ISY1: variants seen among roughly 807,000 people sequenced by gnomAD.
ISY1 encodes the protein ISY1 spliceosome associated protein, also known as pre-mRNA-splicing factor ISY1 homolog.
A neutral mutation model predicts 54.4 loss-of-function variants in ISY1; 12 were observed. That is an observed-to-expected ratio of 0.22 (90% CI 0.14 to 0.36). The LOEUF (loss-of-function observed/expected upper bound fraction) is 0.36, where lower values mean the gene tolerates loss of function less well. Among genes scored for constraint, ISY1 ranks in the 10% least tolerant of loss-of-function variants. The pLI is 1.00. For missense variants in ISY1, 282 were observed against 342.2 expected (o/e 0.82, Z 1.39); for synonymous variants, 96 against 117.9 (o/e 0.81, Z 1.20).
intron 5 of ISY1, among the ~76,000 whole-genome samples, chr3:129,155,562 G>A (rs527330490): frequency 8.6e-5 from 13 of 151,962 alleles, no homozygotes; most frequent in African/African-American, 2.7e-4. Flanking sequence ...TTGACATTAC[G>A]TTTTCACTCT....
At chr3:129,153,727 G>A (rs180874758) in intron 5 of ISY1, among the ~76,000 whole-genome samples, 10 of 152,078 alleles carry the variant, frequency 6.6e-5, no homozygotes, top group Admixed American at 1.3e-4. Context: ...CAGAGGCTGC[G>A]GTGAGCCAAG....
intron 9 of ISY1, among the ~76,000 whole-genome samples, chr3:129,132,776 C>T (rs1302728987): frequency 6.6e-6 from 1 of 152,188 alleles, no homozygotes; most frequent in Non-Finnish European, 1.5e-5. Context: ...GCTGAGAGAG[C>T]AAATGAATAT....
At chr3:129,150,007 C>CCATT (rs1158177739) in intron 5 of ISY1, among the ~76,000 whole-genome samples, 107 of 151,072 alleles carry the variant, frequency 7.1e-4, no homozygotes, top group Admixed American at 1.2e-3. Flanking sequence ...AGTCAACTGA[C>CCATT]CATTTATGTG....
At chr3:129,141,254 C>G (rs554997132) in intron 6 of ISY1, among the ~76,000 whole-genome samples, 4 of 150,894 alleles carry the variant, frequency 2.7e-5, no homozygotes, top group Non-Finnish European at 5.9e-5. Flanking sequence ...GGGCTGGGCA[C>G]GGTGGCTCAC....
At chr3:129,137,785 A>G (rs7633551) in intron 7 of ISY1, among the ~76,000 whole-genome samples, 140,526 of 151,368 alleles carry the variant, frequency 0.93, 65,556 homozygotes, top group East Asian at 0.99. Flanking sequence ...GGTGGCGGTC[A>G]CCTATAGTCC....
chr3:129,158,691 T>A, intron 2 of ISY1, 132 bp from the exon 3 acceptor site: 1 of 1,256,296 alleles, frequency 8.0e-7, no homozygotes, highest in Non-Finnish European at 1.1e-6. Flanking sequence ...ATATTGTAAT[T>A]AAGAAACCAC....
chr3:129,145,849 C>T lies in ISY1; in HGVS notation c.212G>A (p.Arg71His), dbSNP rs1936751627. The change falls in exon 6 of 11, where the codon CGT (arginine) becomes CAT (histidine). Residue 71 changes from arginine to histidine, a missense_variant. Around this residue, in one of 2 missense-constraint regions of ISY1, gnomAD observed 279 missense variants for 323.6 expected, o/e 0.86. Coordinates refer to ENST00000393295, the MANE Select transcript of ISY1 (RefSeq NM_020701.4). ...CTTGTTAATTTCATCATTCAGGTCA[C>T]GAATTCGAAATTCACCTAAACCAGC... is the stretch of plus-strand genomic sequence containing the variant. ...QNAGLGEFRI[R>H]DLNDEINKLL... The T allele has an allele frequency of 1.9e-6, 3 of 1,614,080 alleles. No individual in the cohort carries two copies. Among genetic ancestry groups the T allele is most frequent in the Non-Finnish European group, 2.5e-6 (3 of 1,180,020 alleles).
At chr3:129,152,242 C>T (rs1936993580) in intron 5 of ISY1, among the ~76,000 whole-genome samples, 1 of 152,120 alleles carries the variant, frequency 6.6e-6, no homozygotes, top group Admixed American at 6.6e-5. Flanking sequence ...GAATAAACGT[C>T]TAATTTTGTC....
At chr3:129,142,520 G>T (rs965952508) in intron 6 of ISY1, among the ~76,000 whole-genome samples, 1 of 152,106 alleles carries the variant, frequency 6.6e-6, no homozygotes, top group Non-Finnish European at 1.5e-5. Flanking sequence ...GCAAATACAA[G>T]CAAAATGTTA....
chr3:129,140,541 A>G, intron 6 of ISY1, 56 bp from the exon 7 acceptor site: 1 of 1,415,048 alleles, frequency 7.1e-7, no homozygotes, highest in Non-Finnish European at 9.6e-7. Context: ...GTTAGTTATT[A>G]TTTATTTATT....
At chr3:129,152,606 G>A (rs1219970365) in intron 5 of ISY1, among the ~76,000 whole-genome samples, 3 of 151,746 alleles carry the variant, frequency 2.0e-5, no homozygotes, top group South Asian at 2.1e-4. Context: ...GGGTTTCACC[G>A]TGTGTTAGCC....
At chr3:129,150,641 G>A (rs1030061506) in intron 5 of ISY1, among the ~76,000 whole-genome samples, 3 of 151,636 alleles carry the variant, frequency 2.0e-5, no homozygotes, top group Non-Finnish European at 4.4e-5. Flanking sequence ...TGAACCTGGG[G>A]GGCGGAGCTT....
intron 9 of ISY1, among the ~76,000 whole-genome samples, chr3:129,132,872 G>A (rs935731429): frequency 2.0e-5 from 3 of 152,222 alleles, no homozygotes; most frequent in Non-Finnish European, 4.4e-5. Flanking sequence ...AGCTGGACAT[G>A]AGCAGGAACG....
At chr3:129,131,088 G>C (rs950425825) in intron 9 of ISY1, among the ~76,000 whole-genome samples, 1 of 152,232 alleles carries the variant, frequency 6.6e-6, no homozygotes, top group Non-Finnish European at 1.5e-5. Flanking sequence ...CTTGGAAAGA[G>C]AGAAGGGGTC....
intron 7 of ISY1, among the ~76,000 whole-genome samples, chr3:129,136,269 T>G (rs1470964621): frequency 6.6e-6 from 1 of 151,232 alleles, no homozygotes; most frequent in African/African-American, 2.4e-5. Flanking sequence ...ACCCAGCTAA[T>G]TTTTGTATTT....
At chr3:129,137,882 T>C (rs1234360050) in intron 7 of ISY1, among the ~76,000 whole-genome samples, 3 of 119,542 alleles carry the variant, frequency 2.5e-5, no homozygotes, top group South Asian at 2.8e-4. Flanking sequence ...ATCACTGCAC[T>C]CCAGCCTGGG....
intron 7 of ISY1, among the ~76,000 whole-genome samples, chr3:129,137,914 CAA>C (rs1175621872): frequency 5.0e-4 from 19 of 38,140 alleles, no homozygotes; most frequent in African/African-American, 1.8e-3. Context: ...GACTCCATGT[CAA>C]AAAAAAAAAA....
intron 5 of ISY1, among the ~76,000 whole-genome samples, chr3:129,149,973 CAAAAA>C (rs200338338): frequency 5.0e-4 from 45 of 90,786 alleles, no homozygotes; most frequent in Non-Finnish European, 9.6e-4. Flanking sequence ...GGCTCTATCT[CAAAAA>C]AAAAAAAAAA....
chr3:129,151,210 T>TAAGCCACC (rs1936959959), intron 5 of ISY1, among the ~76,000 whole-genome samples: 1 of 147,830 alleles, frequency 6.8e-6, no homozygotes, highest in South Asian at 2.1e-4. Flanking sequence ...TATGAATATA[T>TAAGCCACC]ATGGGGTGTG....
Sources: gnomAD v4.1 joint callset for allele counts (sites outside exome capture counted in the v4.1 genomes callset) on GRCh38, gnomAD v4.1.1 for gene constraint, gnomAD v4.1.1 regional missense constraint, MANE v1.5 for transcripts, NCBI Gene and HGNC (gene_info 2026-07-23, HGNC 2026-07-21) for gene names.